The following CCDC85C variants were observed in gnomAD, a reference collection of about 807,000 sequenced individuals.
CCDC85C encodes the protein coiled-coil domain containing 85C.
In CCDC85C, 18 loss-of-function variants were observed where a neutral mutation model predicts 38.3. The observed-to-expected ratio is 0.47, with a 90% CI of 0.33 to 0.70. The LOEUF (loss-of-function observed/expected upper bound fraction) is 0.70. CCDC85C is among the 30% of genes least tolerant of loss of function. The pLI is 0.03. For synonymous variants in CCDC85C, 264 were observed against 293.8 expected, an observed-to-expected ratio of 0.90 and a Z score of 1.04; for missense variants, 566 against 621.2, an observed-to-expected ratio of 0.91 and a Z score of 0.94.
At chr14:99,561,891 A>G (rs1411945908) in intron 1 of CCDC85C, among the ~76,000 whole-genome samples, 2 of 152,156 alleles carry the variant, frequency 1.3e-5, no homozygotes, top group African/African-American at 4.8e-5. Flanking sequence ...AACTCCACTC[A>G]GTAGGGAATG....
intron 2 of CCDC85C, among the ~76,000 whole-genome samples, chr14:99,528,055 T>G (rs1487172862): frequency 1.3e-5 from 2 of 152,104 alleles, no homozygotes; most frequent in East Asian, 3.9e-4. Context: ...AAGAAGACTC[T>G]AAAGGCAGGG....
chr14:99,538,870 C>T (rs999814159), intron 1 of CCDC85C, among the ~76,000 whole-genome samples: 1 of 152,150 alleles, frequency 6.6e-6, no homozygotes, highest in African/African-American at 2.4e-5. Context: ...TCCCACAGGT[C>T]GCCAGCAATG....
rs560400309 is a variant in CCDC85C, at chr14:99,535,732, C to A, written c.867+283G>T. On this transcript the variant is annotated intron_variant, in intron 2 of 5. Coordinates refer to ENST00000380243, the MANE Select transcript of CCDC85C (RefSeq NM_001144995.2). The surrounding 1 kb of genome is among the most constrained non-coding windows in gnomAD (Gnocchi z 5.5). ...CCCATCTGCCAGAGGAGTGAAGCAG[C>A]CCATTTCTTCATCAACTGGGTGTTG... is the stretch of plus-strand genomic sequence containing the variant. Among the ~76,000 whole-genome samples the A allele has an allele frequency of 7.2e-5, 11 of 152,280 alleles. No homozygotes were observed. The South Asian group carries it at 2.1e-3, about 29-fold the overall frequency.
rs1452047839 is a variant in CCDC85C at position 99,548,803 on chromosome 14, C to CA, written c.794-12716dup. 2.6e-5 allele frequency among the ~76,000 whole-genome samples: 4 copies of CA among 151,878 alleles called. No individual in the cohort carries two copies. Among genetic ancestry groups the CA allele is most frequent in the Admixed American group, 6.6e-5 (1 of 15,244 alleles). On this transcript the variant is annotated intron_variant, in intron 1 of 5. Coordinates refer to ENST00000380243, the MANE Select transcript of CCDC85C (RefSeq NM_001144995.2). The surrounding 1 kb of genome is among the most constrained non-coding windows in gnomAD (Gnocchi z 4.9). ...AAAGACCACCTCTAAAAACTAAAAG[C>CA]AAAAAAACCCAAAACAAAAACAAAA...
chr14:99,600,778 T>A (rs550929944), intron 1 of CCDC85C, among the ~76,000 whole-genome samples: 16 of 152,348 alleles, frequency 1.1e-4, no homozygotes, highest in African/African-American at 3.8e-4. Flanking sequence ...CTGACCCCAC[T>A]TTAGACACCA....
At chr14:99,527,961 C>T (rs1040610891) in intron 2 of CCDC85C, among the ~76,000 whole-genome samples, 11 of 152,168 alleles carry the variant, frequency 7.2e-5, no homozygotes, top group East Asian at 1.9e-4. Context: ...CCCTCGGGGG[C>T]GGTCGCTGCA....
chr14:99,521,079 T>C (rs1897297424), intron 3 of CCDC85C, among the ~76,000 whole-genome samples: 1 of 152,186 alleles, frequency 6.6e-6, no homozygotes. Context: ...CTTCAGGACA[T>C]AGCACTGAGT....
At chr14:99,581,138 G>T (rs927399230) in intron 1 of CCDC85C, among the ~76,000 whole-genome samples, 2 of 152,164 alleles carry the variant, frequency 1.3e-5, no homozygotes, top group Non-Finnish European at 2.9e-5. Context: ...GAGTGGGAGG[G>T]TGAAACCCCA....
rs113600439 is a variant in CCDC85C, at chr14:99,520,239, G to A, written c.975+1894C>T. Reference sequence around the variant, plus strand: ...TGTGTGCCAGGCAGTGTCTGAGCCCGGAGACGGCCCTCTCTGGATAACCCC... The same window carrying A: ...TGTGTGCCAGGCAGTGTCTGAGCCCAGAGACGGCCCTCTCTGGATAACCCC... On this transcript the variant is annotated intron_variant, in intron 3 of 5. Transcript: ENST00000380243. This position sits in a 1 kb window ranked among gnomAD's most constrained non-coding sequence, Gnocchi z 4.1. Among the ~76,000 whole-genome samples, 15 of 152,264 alleles carry A rather than the reference G, an allele frequency of 9.9e-5. No individual in the cohort carries two copies. The highest frequency in any genetic ancestry group is 1.9e-4 in the East Asian group (1 of 5,168).
In CCDC85C at chr14:99,586,924, C is replaced by T. The variant is rs1235561003; in HGVS notation, c.793+16243G>A. 4.6e-5 allele frequency among the ~76,000 whole-genome samples: 7 copies of T among 152,340 alleles called. No homozygotes were observed. The East Asian group carries it at 9.7e-4, about 21-fold the overall frequency. ...GGCACCACAGCCAAGCCCGCAGCCA[C>T]GGGCGGCACTCCCGCGCTCACAGAG... is the stretch of plus-strand genomic sequence containing the variant. On this transcript the variant is annotated intron_variant, in intron 1 of 5. Coordinates refer to ENST00000380243, the MANE Select transcript of CCDC85C (RefSeq NM_001144995.2).
chr14:99,577,066 C>T (rs78071276), intron 1 of CCDC85C, among the ~76,000 whole-genome samples: 11,945 of 151,880 alleles, frequency 0.079, 739 homozygotes, highest in African/African-American at 0.17. Flanking sequence ...GACATTGTTG[C>T]GGAACGGGGC....
chr14:99,546,306 G>A (rs1261988234), intron 1 of CCDC85C, among the ~76,000 whole-genome samples: 1 of 152,038 alleles, frequency 6.6e-6, no homozygotes, highest in Non-Finnish European at 1.5e-5. Flanking sequence ...GAACAGTGGG[G>A]AGGCGTGGGA....
At chr14:99,599,477 T>C (rs1209095713) in intron 1 of CCDC85C, among the ~76,000 whole-genome samples, 1 of 152,080 alleles carries the variant, frequency 6.6e-6, no homozygotes, top group Non-Finnish European at 1.5e-5. Flanking sequence ...ATCCTATCAG[T>C]TCATGAAGGA....
At chr14:99,596,514 A>G (rs1308133709) in intron 1 of CCDC85C, among the ~76,000 whole-genome samples, 2 of 152,224 alleles carry the variant, frequency 1.3e-5, no homozygotes, top group African/African-American at 4.8e-5. Context: ...GCTCCCCTCA[A>G]GAGCTGGAGG....
Position 99,561,116 on chromosome 14 carries a change from C to T in CCDC85C, c.794-25028G>A, listed in dbSNP as rs148290539. ...CTGAGTGCTGAAGCCCCACCCACTA[C>T]GTGCATGGGGGGGTGCCTGCTGCCA... is the stretch of plus-strand genomic sequence containing the variant. On this transcript the variant is annotated intron_variant, in intron 1 of 5. Coordinates refer to ENST00000380243, the MANE Select transcript of CCDC85C (RefSeq NM_001144995.2). Among the ~76,000 whole-genome samples, 910 of 152,358 alleles carry T rather than the reference C, an allele frequency of 6.0e-3. 4 individuals carry two copies. The highest frequency in any genetic ancestry group is 0.021 in the African/African-American group (863 of 41,586).
chr14:99,583,143 T>A (rs1394610942), intron 1 of CCDC85C: 1 of 152,278 alleles, frequency 6.6e-6, no homozygotes, highest in Non-Finnish European at 1.5e-5. Flanking sequence ...AAATGCCTTT[T>A]AAAAAAATTA....
chr14:99,559,122 C>T (rs1192094958), intron 1 of CCDC85C, among the ~76,000 whole-genome samples: 1 of 152,130 alleles, frequency 6.6e-6, no homozygotes, highest in Non-Finnish European at 1.5e-5. Context: ...GGACAGCCTG[C>T]AAAACTGTGA....
rs909019014 is a variant in CCDC85C at position 99,545,299 on chromosome 14, A to G, written c.794-9211T>C. On this transcript the variant is annotated intron_variant, in intron 1 of 5. Transcript: ENST00000380243. This position sits in a 1 kb window ranked among gnomAD's most constrained non-coding sequence, Gnocchi z 4.7. ...TCCAGGAAAAGCCACGAGGCTTCCC[A>G]ATGACACTGCAATGTGGAGGGGGCA... Among the ~76,000 whole-genome samples the G allele has an allele frequency of 5.3e-5, 8 of 152,042 alleles. No homozygotes were observed. Among genetic ancestry groups the G allele is most frequent in the African/African-American group, 1.4e-4 (6 of 41,414 alleles).
Position 99,503,039 on chromosome 14 carries a change from A to G in CCDC85C, c.*12207T>C. Reference sequence around the variant, plus strand: ...AGCAGGCTTTCCAGGTGGCGGCAACACCTGAGCACTGTTCCCATTTCTAAG... The same window carrying G: ...AGCAGGCTTTCCAGGTGGCGGCAACGCCTGAGCACTGTTCCCATTTCTAAG... On this transcript the variant is annotated 3_prime_UTR_variant, in exon 6 of 6. Coordinates refer to ENST00000380243, the MANE Select transcript of CCDC85C (RefSeq NM_001144995.2). 1 of 1,574,462 alleles carries G rather than the reference A, an allele frequency of 6.4e-7. No individual in the cohort carries two copies. The highest frequency in any genetic ancestry group is 8.7e-7 in the Non-Finnish European group (1 of 1,144,366).
Sources: allele counts gnomAD v4.1 joint callset (sites outside exome capture counted in the v4.1 genomes callset), GRCh38; gene constraint gnomAD v4.1.1; non-coding constraint Gnocchi (gnomAD v3.1); transcripts MANE v1.5; gene names NCBI Gene and HGNC (gene_info 2026-07-23, HGNC 2026-07-21).